The following TENM2 variants were observed in gnomAD, a reference collection of about 807,000 sequenced individuals.
The protein encoded by TENM2 is teneurin-2.
In TENM2, 52 loss-of-function variants were observed where a neutral mutation model predicts 245.2. That is an observed-to-expected ratio of 0.21 (90% CI 0.17 to 0.27). TENM2 has a LOEUF of 0.27. Ranked by LOEUF, TENM2 falls within the 10% of genes least tolerant of loss-of-function variation. TENM2 has a pLI of 1.00. For synonymous variants in TENM2, 1,363 were observed against 1,438.9 expected (o/e 0.95, Z 1.19); for missense variants, 3,046 against 3,666.8 (o/e 0.83, Z 4.37).
chr5:168,012,116 C>G (rs1785263409), intron 5 of TENM2, among the ~76,000 whole-genome samples: 1 of 152,126 alleles, frequency 6.6e-6, no homozygotes, highest in African/African-American at 2.4e-5. Flanking sequence ...TTCACATCCC[C>G]CAAGCCCCAG....
intron 2 of TENM2, among the ~76,000 whole-genome samples, chr5:167,429,002 T>G (rs1173922511): frequency 2.0e-5 from 3 of 152,214 alleles, no homozygotes; most frequent in South Asian, 4.1e-4. Flanking sequence ...ACCCATCCCT[T>G]TCTGCATTCC....
chr5:167,042,864 A>G, the TENM2 span, among the ~76,000 whole-genome samples: 6 of 152,198 alleles, frequency 3.9e-5, no homozygotes, highest in African/African-American at 1.4e-4. Flanking sequence ...ATGGTCAGAT[A>G]TGACCTCGGA....
At chr5:168,043,362 T>G (rs1031850753) in intron 5 of TENM2, among the ~76,000 whole-genome samples, 4 of 152,152 alleles carry the variant, frequency 2.6e-5, no homozygotes, top group Non-Finnish European at 5.9e-5. Context: ...GCACTGGGAT[T>G]ATAGGCGTGA....
chr5:167,308,405 A>G (rs1006164962), intron 1 of TENM2, among the ~76,000 whole-genome samples: 1 of 152,204 alleles, frequency 6.6e-6, no homozygotes, highest in Non-Finnish European at 1.5e-5. Context: ...TACGTTGTAA[A>G]GAGTGTTTAT....
intron 2 of TENM2, among the ~76,000 whole-genome samples, chr5:167,656,269 G>A (rs983642963): frequency 3.3e-5 from 5 of 152,166 alleles, no homozygotes; most frequent in African/African-American, 1.2e-4. Flanking sequence ...AACCATAGAA[G>A]AACCAGTGGA....
the TENM2 span, among the ~76,000 whole-genome samples, chr5:167,009,163 A>T: frequency 2.8e-5 from 1 of 35,792 alleles, no homozygotes; most frequent in South Asian, 5.9e-4. Flanking sequence ...TATGTGTCAT[A>T]TCGTTTATAT....
chr5:167,886,693 C>T (rs779713345), intron 3 of TENM2, among the ~76,000 whole-genome samples: 31 of 152,094 alleles, frequency 2.0e-4, no homozygotes, highest in Admixed American at 7.9e-4. Context: ...CGTTATAGAA[C>T]GATTTAATTC....
chr5:168,014,393 G>C (rs181357842), intron 5 of TENM2, among the ~76,000 whole-genome samples: 2 of 151,864 alleles, frequency 1.3e-5, no homozygotes, highest in Admixed American at 6.7e-5. Context: ...AGAGGGCCAG[G>C]TCTCAGCCCC....
intron 2 of TENM2, among the ~76,000 whole-genome samples, chr5:167,756,359 C>G (rs1021899821): frequency 2.6e-5 from 4 of 152,152 alleles, no homozygotes; most frequent in Non-Finnish European, 4.4e-5. Context: ...CAAGCTCATA[C>G]ACAGACTTCT....
At chr5:167,503,076 C>G (rs1462726775) in intron 2 of TENM2, among the ~76,000 whole-genome samples, 1 of 152,296 alleles carries the variant, frequency 6.6e-6, no homozygotes, top group Non-Finnish European at 1.5e-5. Context: ...ATCCACCCGA[C>G]TCGGCCTCCT....
In TENM2 at chr5:168,062,663, C is replaced by T. The variant is rs148421217; in HGVS notation, c.1515+398C>T. 6.6e-3 allele frequency among the ~76,000 whole-genome samples: 997 copies of T among 152,176 alleles called. 5 individuals carry two copies. The highest frequency in any genetic ancestry group is 0.014 in the Middle Eastern group (4 of 294). On this transcript the variant is annotated intron_variant, in intron 7 of 28. Transcript: ENST00000518659. ...AACTGGTGAGTGGCTAAACAAAATC[C>T]GATATAGCCGTACCATTAGTCAGAT...
chr5:168,048,500 T>C (rs1236674832), intron 6 of TENM2, among the ~76,000 whole-genome samples: 1 of 152,176 alleles, frequency 6.6e-6, no homozygotes, highest in Non-Finnish European at 1.5e-5. Context: ...AGGCTTAGCA[T>C]TGTATAACTT....
intron 13 of TENM2, among the ~76,000 whole-genome samples, chr5:168,189,052 G>A (rs1431530724): frequency 1.3e-5 from 2 of 152,140 alleles, no homozygotes; most frequent in Non-Finnish European, 2.9e-5. Context: ...TTGATTGATA[G>A]ACTGCAGTCT....
chr5:167,141,001 G>T, the TENM2 span, among the ~76,000 whole-genome samples: 1 of 152,112 alleles, frequency 6.6e-6, no homozygotes, highest in African/African-American at 2.4e-5. Context: ...TAAACCTTGC[G>T]TATTTACGTG....
chr5:168,144,571 AGT>A (rs1294866434), intron 12 of TENM2, among the ~76,000 whole-genome samples: 25 of 151,420 alleles, frequency 1.7e-4, no homozygotes, highest in African/African-American at 6.1e-4. Flanking sequence ...TTCTTAATCC[AGT>A]CTATCATTGT....
intron 1 of TENM2, among the ~76,000 whole-genome samples, chr5:167,295,016 C>A (rs1339885252): frequency 2.0e-5 from 3 of 152,130 alleles, no homozygotes; most frequent in Non-Finnish European, 4.4e-5. Context: ...TTATTATTCT[C>A]TTGATGAGTG....
chr5:167,012,460 A>G, the TENM2 span, among the ~76,000 whole-genome samples: 7,123 of 152,282 alleles, frequency 0.047, 546 homozygotes, highest in African/African-American at 0.16. Flanking sequence ...GCTACAAGAG[A>G]TAAGAAAAGC....
At chr5:167,525,737 T>G (rs1197346357) in intron 2 of TENM2, among the ~76,000 whole-genome samples, 2 of 152,116 alleles carry the variant, frequency 1.3e-5, no homozygotes, top group Non-Finnish European at 2.9e-5. Flanking sequence ...GATCAGGAGC[T>G]CTATGGTAGG....
At chr5:167,361,978 A>T (rs1468393936) in intron 1 of TENM2, among the ~76,000 whole-genome samples, 1 of 152,044 alleles carries the variant, frequency 6.6e-6, no homozygotes, top group Non-Finnish European at 1.5e-5. Context: ...TGACATAAGA[A>T]TTTTTTTTAA....
Sources: allele counts gnomAD v4.1 joint callset (sites outside exome capture counted in the v4.1 genomes callset), GRCh38; gene constraint gnomAD v4.1.1; transcripts MANE v1.5; gene names NCBI Gene and HGNC (gene_info 2026-07-23, HGNC 2026-07-21).